Variants in CDC42EP3 observed in about 807,000 individuals in gnomAD.
CDC42EP3 encodes CDC42 effector protein 3.
CDC42EP3 carries 4 observed loss-of-function variants against 15.5 expected under a neutral mutation model. The observed-to-expected ratio is 0.26, with a 90% CI of 0.13 to 0.59. The LOEUF is 0.59. Ranked by LOEUF, CDC42EP3 falls within the 20% of genes least tolerant of loss-of-function variation. The pLI is 0.89. For missense variants in CDC42EP3, 309 were observed against 311.2 expected (o/e 0.99, Z 0.05); for synonymous variants, 145 against 130.3 (o/e 1.11, Z -0.77).
chr2:37,662,186 T>C lies in CDC42EP3; in HGVS notation c.-236+9240A>G, dbSNP rs181523600. 1.2e-4 allele frequency among the ~76,000 whole-genome samples: 18 copies of C among 152,298 alleles called. No homozygotes were observed. In the East Asian group the frequency reaches 3.3e-3, roughly 28 times the overall value. ...TTTCATCACCCTTTCCCATCCTTCC[T>C]GGTATTAAATTAAGGGTCCTGAGCC... On this transcript the variant is annotated intron_variant, in intron 1 of 1. Coordinates refer to ENST00000295324, the MANE Select transcript of CDC42EP3 (RefSeq NM_006449.5).
rs1372259741 is a variant in CDC42EP3 at position 37,642,951 on chromosome 2, C to G, written c.*2872G>C. On this transcript the variant is annotated 3_prime_UTR_variant, in exon 2 of 2. Transcript: ENST00000295324. Reference sequence around the variant, plus strand: ...AAGTATCCTGATATTTTGATCTTTTCAAGCAGATAATTTCAGGCAGAAATG... The same window carrying G: ...AAGTATCCTGATATTTTGATCTTTTGAAGCAGATAATTTCAGGCAGAAATG... 1 of 152,132 alleles carries G rather than the reference C, an allele frequency of 6.6e-6. No individual in the cohort carries two copies. The highest frequency in any genetic ancestry group is 2.4e-5 in the African/African-American group (1 of 41,420). The allele number at this position is 152,132 out of a possible 1,614,324, so 9.4% of individuals were successfully genotyped here. A position where few individuals can be genotyped will look rare whatever the true frequency, so the allele number is the denominator to read the frequency against.
At chr2:37,649,445 CAAAAAAAAAAAAAAAAAA>C (rs57232687) in intron 1 of CDC42EP3, among the ~76,000 whole-genome samples, 15 of 48,174 alleles carry the variant, frequency 3.1e-4, no homozygotes, top group Admixed American at 7.0e-4. Flanking sequence ...GGCCTTGTCT[CAAAAAAAAAAAAAAAAAA>C]AAAAAAAAAA....
chr2:37,656,594 C>CT (rs1456768199), intron 1 of CDC42EP3, among the ~76,000 whole-genome samples: 5 of 152,212 alleles, frequency 3.3e-5, no homozygotes, highest in African/African-American at 1.2e-4. Flanking sequence ...ATGCTCAGAG[C>CT]ATACCTCTTA....
intron 1 of CDC42EP3, among the ~76,000 whole-genome samples, chr2:37,657,408 T>C (rs1558340609): frequency 6.6e-6 from 1 of 152,216 alleles, no homozygotes; most frequent in Non-Finnish European, 1.5e-5. Flanking sequence ...GTGGTTTTAA[T>C]GCCTGATATT....
chr2:37,662,164 C>T (rs2124632357), intron 1 of CDC42EP3, among the ~76,000 whole-genome samples: 1 of 152,268 alleles, frequency 6.6e-6, no homozygotes, highest in South Asian at 2.1e-4. Flanking sequence ...ATACAATTTT[C>T]ATCACCCTTT....
At chr2:37,652,740 A>T (rs967143655) in intron 1 of CDC42EP3, among the ~76,000 whole-genome samples, 1 of 130,352 alleles carries the variant, frequency 7.7e-6, no homozygotes, top group Non-Finnish European at 1.6e-5. Context: ...AATTAAAAAC[A>T]ATTTTTTTTT....
chr2:37,657,551 A>G (rs1461898899), intron 1 of CDC42EP3, among the ~76,000 whole-genome samples: 1 of 152,182 alleles, frequency 6.6e-6, no homozygotes. Context: ...GGGACACAGA[A>G]GGCCCTCAAA....
chr2:37,657,708 C>CTGTCT (rs1183270235), intron 1 of CDC42EP3, among the ~76,000 whole-genome samples: 3 of 152,180 alleles, frequency 2.0e-5, no homozygotes, highest in African/African-American at 7.2e-5. Context: ...CATTTATGTA[C>CTGTCT]TGTCTACAGC....
At chr2:37,656,915 A>G (rs1665868846) in intron 1 of CDC42EP3, among the ~76,000 whole-genome samples, 1 of 151,548 alleles carries the variant, frequency 6.6e-6, no homozygotes, top group Non-Finnish European at 1.5e-5. Flanking sequence ...TATTGTCAAC[A>G]AGAATCTCAA....
chr2:37,660,653 A>C (rs1666028865), intron 1 of CDC42EP3, among the ~76,000 whole-genome samples: 1 of 152,118 alleles, frequency 6.6e-6, no homozygotes. Context: ...CTTCCATTTA[A>C]ATTTCATTTT....
intron 1 of CDC42EP3, among the ~76,000 whole-genome samples, chr2:37,666,831 G>A (rs1454937513): frequency 6.7e-6 from 1 of 149,642 alleles, no homozygotes; most frequent in East Asian, 2.0e-4. Flanking sequence ...TTTTTTTAAG[G>A]AAAGAAACAC....
intron 1 of CDC42EP3, among the ~76,000 whole-genome samples, chr2:37,652,872 C>T (rs1340024878): frequency 1.3e-5 from 2 of 152,148 alleles, no homozygotes; most frequent in Non-Finnish European, 2.9e-5. Flanking sequence ...CCATGCCTGG[C>T]TCTCTAGTTT....
chr2:37,650,501 G>A (rs1280346691), intron 1 of CDC42EP3, among the ~76,000 whole-genome samples: 1 of 152,216 alleles, frequency 6.6e-6, no homozygotes, highest in East Asian at 1.9e-4. Context: ...TATGTACCGA[G>A]CATTGTTCCA....
intron 1 of CDC42EP3, among the ~76,000 whole-genome samples, chr2:37,651,904 G>A (rs1205874204): frequency 2.6e-5 from 4 of 152,004 alleles, no homozygotes; most frequent in Non-Finnish European, 5.9e-5. Flanking sequence ...GGCCGGGCAT[G>A]GTGGCTCAAG....
chr2:37,655,059 T>C (rs1665805113), intron 1 of CDC42EP3, among the ~76,000 whole-genome samples: 2 of 152,226 alleles, frequency 1.3e-5, no homozygotes, highest in African/African-American at 2.4e-5. Context: ...TTTGAGAAGA[T>C]AAGAAGATGC....
At position 37,644,642 on chromosome 2, in the gene CDC42EP3, C is replaced by A. The variant is rs1285295100; in HGVS notation, c.*1181G>T. ...CTGACTTAAAAAAAAAAAAAAAAATCTGACCTCACATGTTCATTTTTCCAA... is the reference window on the plus strand; with the variant it reads ...CTGACTTAAAAAAAAAAAAAAAAATATGACCTCACATGTTCATTTTTCCAA... On this transcript the variant is annotated 3_prime_UTR_variant, in exon 2 of 2. Transcript: ENST00000295324. 2 of 149,370 alleles carry A rather than the reference C, an allele frequency of 1.3e-5. No individual in the cohort carries two copies. Among genetic ancestry groups the A allele is most frequent in the Admixed American group, 1.3e-4 (2 of 14,958 alleles). 9.3% of individuals were successfully genotyped at this position (149,370 alleles called of 1,614,324 possible).
At position 37,646,101 on chromosome 2, in the gene CDC42EP3, C is replaced by T. The variant is rs746625038; in HGVS notation, c.487G>A (p.Gly163Arg). 1.7e-5 allele frequency: 27 copies of T among 1,614,202 alleles called. No homozygotes were observed. The highest frequency in any genetic ancestry group is 8.5e-6 in the Non-Finnish European group (10 of 1,180,036). ...GAGGTGTCTCCCTGGTGGACTGTCC[C>T]ATTCTCCAACAGACTGCTTTTCTCC... ...AQEKSSLLEN[G>R]TVHQGDTSWG... Residue 163 changes from glycine to arginine, a missense_variant, in exon 2 of 2, where the codon GGG becomes AGG. Physicochemically the swap from Gly to Arg is moderately radical, Grantham distance 125 (BLOSUM62 -2). Transcript: ENST00000295324.
At chr2:37,670,377 C>G (rs116530015) in intron 1 of CDC42EP3, among the ~76,000 whole-genome samples, 40 of 152,178 alleles carry the variant, frequency 2.6e-4, no homozygotes, top group Non-Finnish European at 4.3e-4. Flanking sequence ...CTAGAGCCCC[C>G]CTACAACCTC....
At chr2:37,658,239 G>A (rs1027139585) in intron 1 of CDC42EP3, among the ~76,000 whole-genome samples, 3 of 152,180 alleles carry the variant, frequency 2.0e-5, no homozygotes, top group Non-Finnish European at 4.4e-5. Flanking sequence ...TCCATGATGA[G>A]ATAAGAACAG....
Sources: gnomAD v4.1 joint callset for allele counts (sites outside exome capture counted in the v4.1 genomes callset) on GRCh38, gnomAD v4.1.1 for gene constraint, MANE v1.5 for transcripts, NCBI Gene and HGNC (gene_info 2026-07-23, HGNC 2026-07-21) for gene names.